PDSS2: variants seen among roughly 807,000 people sequenced by gnomAD.
The protein encoded by PDSS2 is all trans-polyprenyl-diphosphate synthase PDSS2.
PDSS2 carries 31 observed loss-of-function variants against 44.5 expected under a neutral mutation model. The ratio of observed to expected loss-of-function variants is 0.70; its 90% CI spans 0.52 to 0.94. The LOEUF is 0.94. Ranked by LOEUF, PDSS2 falls within the 40% of genes least tolerant of loss-of-function variation. PDSS2 has a pLI of 0.00. For missense variants in PDSS2, 452 were observed against 482.2 expected (o/e 0.94, Z 0.59); for synonymous variants, 157 against 180.3 (o/e 0.87, Z 1.03).
At chr6:107,260,737 C>T (rs1294406833) in intron 3 of PDSS2, among the ~76,000 whole-genome samples, 1 of 147,866 alleles carries the variant, frequency 6.8e-6, no homozygotes, top group Non-Finnish European at 1.5e-5. Flanking sequence ...AATCTCGGCT[C>T]ACTGCAAGCT....
chr6:107,179,877 C>T (rs1429187036), intron 7 of PDSS2, among the ~76,000 whole-genome samples: 1 of 152,176 alleles, frequency 6.6e-6, no homozygotes, highest in Non-Finnish European at 1.5e-5. Context: ...ACTGAATCAA[C>T]TACAGCTTTC....
chr6:107,218,619 C>T (rs1462033146), intron 4 of PDSS2, among the ~76,000 whole-genome samples: 2 of 152,134 alleles, frequency 1.3e-5, no homozygotes, highest in Non-Finnish European at 2.9e-5. Context: ...TTGGTTTGGC[C>T]TCTGCTGCAC....
chr6:107,222,931 C>A (rs1293757725), intron 4 of PDSS2, among the ~76,000 whole-genome samples: 2 of 151,638 alleles, frequency 1.3e-5, no homozygotes, highest in East Asian at 3.9e-4. Context: ...CAAAGTGACA[C>A]CCTGTCTCTA....
chr6:107,451,381 T>C (rs1160028532), intron 1 of PDSS2, among the ~76,000 whole-genome samples: 1 of 152,134 alleles, frequency 6.6e-6, no homozygotes, highest in Non-Finnish European at 1.5e-5. Flanking sequence ...ATCCAGGGTC[T>C]GAAACCCCTC....
intron 7 of PDSS2, among the ~76,000 whole-genome samples, chr6:107,187,661 T>A (rs1208747415): frequency 6.8e-6 from 1 of 146,736 alleles, no homozygotes; most frequent in African/African-American, 2.5e-5. Context: ...TGAAACTCCA[T>A]CTCAAAAAAA....
At chr6:107,406,443 T>A (rs1780323302) in intron 1 of PDSS2, among the ~76,000 whole-genome samples, 1 of 152,216 alleles carries the variant, frequency 6.6e-6, no homozygotes, top group South Asian at 2.1e-4. Context: ...ATAGTCTAAA[T>A]CATGGTAAGA....
At chr6:107,185,977 C>G (rs1306913080) in intron 7 of PDSS2, among the ~76,000 whole-genome samples, 2 of 152,238 alleles carry the variant, frequency 1.3e-5, no homozygotes, top group Non-Finnish European at 2.9e-5. Flanking sequence ...TACATTCCAT[C>G]TAATACAACT....
chr6:107,245,672 G>T, intron 3 of PDSS2, 53 bp from the exon 4 acceptor site: 1 of 1,133,682 alleles, frequency 8.8e-7, no homozygotes, highest in Non-Finnish European at 1.3e-6. Flanking sequence ...TATCTCTATT[G>T]TTACCTCAGA....
chr6:107,381,590 A>T (rs879047095), intron 1 of PDSS2, among the ~76,000 whole-genome samples: 3 of 152,364 alleles, frequency 2.0e-5, no homozygotes, highest in Admixed American at 2.0e-4. Flanking sequence ...CATTTGGCAC[A>T]GTCAAAAACC....
At chr6:107,254,747 T>C (rs1323816105) in intron 3 of PDSS2, among the ~76,000 whole-genome samples, 1 of 152,216 alleles carries the variant, frequency 6.6e-6, no homozygotes, top group Non-Finnish European at 1.5e-5. Context: ...TGCTTCTTCA[T>C]CTGGAGACCC....
chr6:107,163,716 C>G (rs1367361234), intron 7 of PDSS2, among the ~76,000 whole-genome samples: 40 of 152,108 alleles, frequency 2.6e-4, no homozygotes, highest in Admixed American at 2.4e-3. Context: ...GATTCTCCTG[C>G]CTCAGCCTCC....
intron 2 of PDSS2, among the ~76,000 whole-genome samples, chr6:107,285,308 G>A (rs1244891736): frequency 5.3e-5 from 8 of 152,218 alleles, no homozygotes; most frequent in East Asian, 1.9e-4. Context: ...GAGGGCTGCC[G>A]TTCTAGATTT....
intron 1 of PDSS2, among the ~76,000 whole-genome samples, chr6:107,421,757 T>G (rs1418253245): frequency 6.6e-6 from 1 of 151,346 alleles, no homozygotes; most frequent in Non-Finnish European, 1.5e-5. Context: ...CAGTCCTATA[T>G]CTTGATGATG....
chr6:107,411,975 T>C (rs1780514539), intron 1 of PDSS2, among the ~76,000 whole-genome samples: 1 of 142,104 alleles, frequency 7.0e-6, no homozygotes, highest in Non-Finnish European at 1.5e-5. Flanking sequence ...AACCTCCGCC[T>C]CCCAGGTTCA....
chr6:107,322,216 T>C (rs3002709), intron 2 of PDSS2, among the ~76,000 whole-genome samples: 40,104 of 152,122 alleles, frequency 0.26, 6,902 homozygotes, highest in Middle Eastern at 0.5. Context: ...GATGTTTTAC[T>C]CCACTTAAAA....
chr6:107,343,243 A>G lies in PDSS2; in HGVS notation c.297-8911T>C, dbSNP rs970630655. 3.3e-5 allele frequency among the ~76,000 whole-genome samples: 5 copies of G among 152,236 alleles called. No individual in the cohort carries two copies. In the South Asian group the frequency reaches 1.0e-3, roughly 31 times the overall value. On this transcript the variant is annotated intron_variant, in intron 1 of 7. Coordinates refer to ENST00000369037, the MANE Select transcript of PDSS2 (RefSeq NM_020381.4). ...ATTGGTAAGATTCCTATTAATGCTT[A>G]TGACTGTGACCCCTAGTTAAATTTT... is the stretch of plus-strand genomic sequence containing the variant.
chr6:107,210,357 A>G (rs1773155122), intron 6 of PDSS2, 82 bp downstream of exon 6: 1 of 1,030,078 alleles, frequency 9.7e-7, no homozygotes, highest in Non-Finnish European at 1.5e-6. Flanking sequence ...ATCTATAGCC[A>G]TATATCACCA....
At chr6:107,386,749 A>G (rs1288352424) in intron 1 of PDSS2, among the ~76,000 whole-genome samples, 1 of 152,252 alleles carries the variant, frequency 6.6e-6, no homozygotes, top group Non-Finnish European at 1.5e-5. Flanking sequence ...TTGACCAGAA[A>G]TAAATATTTT....
At chr6:107,398,464 T>C (rs935200807) in intron 1 of PDSS2, among the ~76,000 whole-genome samples, 2 of 152,202 alleles carry the variant, frequency 1.3e-5, no homozygotes, top group Non-Finnish European at 2.9e-5. Context: ...GAATTTCTGA[T>C]ACAGTAAATA....
Sources: gnomAD v4.1 joint callset for allele counts (sites outside exome capture counted in the v4.1 genomes callset) on GRCh38, gnomAD v4.1.1 for gene constraint, MANE v1.5 for transcripts, NCBI Gene and HGNC (gene_info 2026-07-23, HGNC 2026-07-21) for gene names.